Variants in CDK2AP1 observed in about 807,000 individuals in gnomAD.
CDK2AP1 encodes the protein cyclin-dependent kinase 2-associated protein 1.
Under a neutral mutation model 14.1 loss-of-function variants are expected in CDK2AP1, and 10 were observed. That is an observed-to-expected ratio of 0.71 (90% CI 0.44 to 1.20). CDK2AP1 has a LOEUF of 1.20. CDK2AP1 is among the 50% of genes most tolerant of loss of function. The probability of loss-of-function intolerance (pLI) is 0.00; values close to 1 mark genes in which losing one functional copy is unlikely to be tolerated. For synonymous variants in CDK2AP1, 59 were observed against 59.8 expected (o/e 0.99, Z 0.06); for missense variants, 102 against 149.9 (o/e 0.68, Z 1.67).
In CDK2AP1 at chr12:123,261,282, C is replaced by A. The variant is rs41276694; in HGVS notation, c.*454G>T. The A allele has an allele frequency of 1.6e-3, 246 of 154,904 alleles. No individual in the cohort carries two copies. Among genetic ancestry groups the A allele is most frequent in the Non-Finnish European group, 3.0e-3 (206 of 69,808 alleles). The allele number at this position is 154,904 out of a possible 1,614,324, so 9.6% of individuals were successfully genotyped here. On this transcript the variant is annotated 3_prime_UTR_variant, in exon 4 of 4. Coordinates refer to ENST00000261692, the MANE Select transcript of CDK2AP1 (RefSeq NM_004642.4). Reference sequence around the variant, plus strand: ...AAAAAGAAGTTACATTAAGCAGAACCTACATTGTATGGCAAATGGGAACCG... The same window carrying A: ...AAAAAGAAGTTACATTAAGCAGAACATACATTGTATGGCAAATGGGAACCG...
chr12:123,267,639 T>C (rs1281607026), intron 1 of CDK2AP1: 2 of 270,062 alleles, frequency 7.4e-6, no homozygotes, highest in Non-Finnish European at 1.5e-5. Flanking sequence ...GCTGAGAACC[T>C]AGAGGCCACA....
chr12:123,263,712 CG>C (rs2048257717), intron 3 of CDK2AP1, among the ~76,000 whole-genome samples: 1 of 152,190 alleles, frequency 6.6e-6, no homozygotes. Context: ...AGAGCAACCC[CG>C]CTCCTGGCAG....
intron 3 of CDK2AP1, among the ~76,000 whole-genome samples, chr12:123,263,477 C>T (rs2048254960): frequency 6.6e-6 from 1 of 152,120 alleles, no homozygotes; most frequent in African/African-American, 2.4e-5. Flanking sequence ...CTGCAAATTA[C>T]CTGTTGGACT....
rs972370501 is a variant in CDK2AP1 at position 123,271,348 on chromosome 12, G to C, written c.55+216C>G. Among the ~76,000 whole-genome samples the C allele has an allele frequency of 3.4e-3, 504 of 147,174 alleles. 13 individuals are homozygous for C. Among genetic ancestry groups the C allele is most frequent in the Admixed American group, 0.03 (452 of 14,882 alleles). Reference sequence around the variant, plus strand: ...GGGGTCACCCCGGGCCGCCCGCCCCGCACCCCCAGCCGAGGCCCTCGGCGT... The same window carrying C: ...GGGGTCACCCCGGGCCGCCCGCCCCCCACCCCCAGCCGAGGCCCTCGGCGT... On this transcript the variant is annotated intron_variant, in intron 1 of 3. Transcript: ENST00000261692.
At chr12:123,266,300 G>A (rs781767482) in intron 2 of CDK2AP1, among the ~76,000 whole-genome samples, 4 of 152,360 alleles carry the variant, frequency 2.6e-5, no homozygotes, top group South Asian at 4.1e-4. Flanking sequence ...TGGCCAGAAC[G>A]TGGCACTGCC....
In CDK2AP1 at chr12:123,265,510, A is replaced by G; in HGVS notation, c.154-188T>C. Among the ~76,000 whole-genome samples, 1 of 148,876 alleles carries G rather than the reference A, an allele frequency of 6.7e-6. No homozygotes were observed. On this transcript the variant is annotated intron_variant, in intron 2 of 3. Transcript: ENST00000261692. This position sits in a 1 kb window ranked among gnomAD's most constrained non-coding sequence, Gnocchi z 5.3. ...AGAGCGAGACTCCATCTCGGGGGAA[A>G]AAAAAAAAAAAGGGTTCAGCAGCCT...
chr12:123,271,461 G>A (rs2138827296), intron 1 of CDK2AP1, 103 bp downstream of exon 1: 3 of 521,316 alleles, frequency 5.8e-6, no homozygotes, highest in Admixed American at 6.5e-5. Context: ...TGAGCCCCCC[G>A]CCCCCGGCCT....
In CDK2AP1 at chr12:123,261,203, T is replaced by C. The variant is rs1358921169; in HGVS notation, c.*533A>G. ...CTCTTTCTTCTGTATTTATAACTTG[T>C]GCATTTTTAAAAATTGACTTTGAAG... On this transcript the variant is annotated 3_prime_UTR_variant, in exon 4 of 4. Coordinates refer to ENST00000261692, the MANE Select transcript of CDK2AP1 (RefSeq NM_004642.4). 1 of 152,762 alleles carries C rather than the reference T, an allele frequency of 6.5e-6. No homozygotes were observed. The highest frequency in any genetic ancestry group is 1.5e-5 in the Non-Finnish European group (1 of 68,380). The allele number at this position is 152,762 out of a possible 1,614,324, so 9.5% of individuals were successfully genotyped here.
chr12:123,264,457 TCTCC>T (rs1162268472), intron 3 of CDK2AP1, among the ~76,000 whole-genome samples: 2 of 30,560 alleles, frequency 6.5e-5, no homozygotes, highest in Non-Finnish European at 1.2e-4. Flanking sequence ...TAAAACTCCG[TCTCC>T]CAAAAAAAAA....
chr12:123,264,106 C>T (rs2048261959), intron 3 of CDK2AP1, among the ~76,000 whole-genome samples: 1 of 134,688 alleles, frequency 7.4e-6, no homozygotes, highest in Non-Finnish European at 1.6e-5. Context: ...TAGACTCCAT[C>T]TCAAAAAAAA....
chr12:123,270,614 A>G (rs2048345247), intron 1 of CDK2AP1, among the ~76,000 whole-genome samples: 1 of 152,000 alleles, frequency 6.6e-6, no homozygotes, highest in Non-Finnish European at 1.5e-5. Flanking sequence ...GAATCCCTCA[A>G]TGTTGTGCCC....
intron 1 of CDK2AP1, chr12:123,269,177 G>A (rs928719141): frequency 1.3e-5 from 2 of 152,608 alleles, no homozygotes; most frequent in Non-Finnish European, 2.9e-5. Flanking sequence ...TGTGACCTCA[G>A]ACAGGCTCCC....
At chr12:123,268,380 C>T (rs973172569) in intron 1 of CDK2AP1, 1 of 222,808 alleles carries the variant, frequency 4.5e-6, no homozygotes, top group African/African-American at 2.3e-5. Context: ...GGGAGGAGCA[C>T]TGGAGAACCC....
rs528936977 is a variant in CDK2AP1, at chr12:123,265,594, C to T, written c.154-272G>A. Among the ~76,000 whole-genome samples, 18 of 152,108 alleles carry T rather than the reference C, an allele frequency of 1.2e-4. No individual in the cohort carries two copies. The South Asian group carries it at 2.5e-3, about 21-fold the overall frequency. The stretch of plus-strand genomic sequence containing the variant: ...GCCCCGGGCCGGTCAGGATAGGGAA[C>T]GCAGCCCAGCCTCAGACTTCTGGGG... On this transcript the variant is annotated intron_variant, in intron 2 of 3. Coordinates refer to ENST00000261692, the MANE Select transcript of CDK2AP1 (RefSeq NM_004642.4). This position sits in a 1 kb window ranked among gnomAD's most constrained non-coding sequence, Gnocchi z 5.3.
chr12:123,270,310 C>T (rs547988563), intron 1 of CDK2AP1: 1 of 340,274 alleles, frequency 2.9e-6, no homozygotes, highest in Non-Finnish European at 4.2e-6. Context: ...CCTCCGCACC[C>T]TGACGCTTAA....
chr12:123,265,616 G>A lies in CDK2AP1; in HGVS notation c.154-294C>T, dbSNP rs369066931. 5.3e-5 allele frequency among the ~76,000 whole-genome samples: 8 copies of A among 152,194 alleles called. No homozygotes were observed. The East Asian group carries it at 1.4e-3, about 26-fold the overall frequency. On this transcript the variant is annotated intron_variant, in intron 2 of 3. Coordinates refer to ENST00000261692, the MANE Select transcript of CDK2AP1 (RefSeq NM_004642.4). This position sits in a 1 kb window ranked among gnomAD's most constrained non-coding sequence, Gnocchi z 5.3. ...GAACGCAGCCCAGCCTCAGACTTCTGGGGCAGCCACCTCAGCTGGGCCAAG... is the reference window on the plus strand; with the variant it reads ...GAACGCAGCCCAGCCTCAGACTTCTAGGGCAGCCACCTCAGCTGGGCCAAG...
intron 1 of CDK2AP1, among the ~76,000 whole-genome samples, chr12:123,270,545 T>C (rs956902929): frequency 3.9e-5 from 6 of 151,926 alleles, no homozygotes; most frequent in Non-Finnish European, 8.8e-5. Context: ...GGGAAGTCTG[T>C]TTCCGACCAA....
chr12:123,269,550 G>A (rs2048333866), intron 1 of CDK2AP1, among the ~76,000 whole-genome samples: 2 of 152,356 alleles, frequency 1.3e-5, no homozygotes, highest in South Asian at 4.1e-4. Context: ...AGCGCAGTGT[G>A]CAGGAGCGAG....
chr12:123,272,060 G>A (rs1037480307), upstream of CDK2AP1: 6 of 150,158 alleles, frequency 4.0e-5, no homozygotes, highest in African/African-American at 1.2e-4. Context: ...GGGTGTGCTG[G>A]GGGCCGGTCC....
Sources: gnomAD v4.1 joint callset for allele counts (sites outside exome capture counted in the v4.1 genomes callset) on GRCh38, gnomAD v4.1.1 for gene constraint, Gnocchi (gnomAD v3.1) non-coding constraint, MANE v1.5 for transcripts, NCBI Gene and HGNC (gene_info 2026-07-23, HGNC 2026-07-21) for gene names.